SLC4A11: variants seen among roughly 807,000 people sequenced by gnomAD.
SLC4A11 encodes solute carrier family 4 member 11, also known as bicarbonate transporter related protein 1.
Under a neutral mutation model 95.0 loss-of-function variants are expected in SLC4A11, and 74 were observed. That is an observed-to-expected ratio of 0.78 (90% confidence interval 0.65 to 0.95). The LOEUF is 0.95. Ranked by LOEUF, SLC4A11 falls within the 40% of genes least tolerant of loss-of-function variation. SLC4A11 has a pLI of 0.00. For synonymous variants in SLC4A11, 548 were observed against 519.0 expected (o/e 1.06, Z -0.76); for missense variants, 1,081 against 1,192.4 (o/e 0.91, Z 1.38).
At chr20:3,232,047 C>T (rs760940228) in intron 7 of SLC4A11, among the ~76,000 whole-genome samples, 7 of 152,176 alleles carry the variant, frequency 4.6e-5, no homozygotes, top group Non-Finnish European at 8.8e-5. Context: ...CAACTACCAT[C>T]GATCTATATT....
Position 3,229,571 on chromosome 20 carries a change from C to T in SLC4A11, c.1695G>A (p.Met565Ile). Reference sequence around the variant, plus strand: ...TGTAGCCCAGCCAGAGCGTGCCCAGCATGATGAGGAGGCTGAGCACGGCGG... The same window carrying T: ...TGTAGCCCAGCCAGAGCGTGCCCAGTATGATGAGGAGGCTGAGCACGGCGG... ...QATAVLSLLIMLGTLWLGYTL... is the reference protein window; with the variant it reads ...QATAVLSLLIILGTLWLGYTL... The change falls in exon 14 of 20, where the codon ATG (methionine) becomes ATA (isoleucine). Residue 565 changes from methionine to isoleucine, a missense_variant. By Grantham distance (10) the Met-to-Ile change is conservative. This residue lies in a region of SLC4A11 where 767 missense variants were observed against 858.0 expected (regional missense o/e 0.89). Transcript: ENST00000642402. 1 of 1,612,916 alleles carries T rather than the reference C, an allele frequency of 6.2e-7. No homozygotes were observed. The highest frequency in any genetic ancestry group is 8.5e-7 in the Non-Finnish European group (1 of 1,179,936).
In SLC4A11 at chr20:3,231,272, C is replaced by T. The variant is rs373605332; in HGVS notation, c.949-30G>A. The T allele has an allele frequency of 1.2e-6, 2 of 1,613,256 alleles. No homozygotes were observed. Among genetic ancestry groups the T allele is most frequent in the Non-Finnish European group, 1.7e-6 (2 of 1,179,800 alleles). On this transcript the variant is annotated intron_variant, in intron 8 of 19. Coordinates refer to ENST00000642402, the MANE Select transcript of SLC4A11 (RefSeq NM_001174089.2). The surrounding 1 kb of genome is among the most constrained non-coding windows in gnomAD (Gnocchi z 5.2). ...AGGAGAGGACAGAGCGCCTGTTAGC[C>T]CTGTCCGGCCCATGCCCCCGCCGAC...
Position 3,234,813 on chromosome 20 carries a change from G to A in SLC4A11, c.170C>T (p.Ser57Phe), listed in dbSNP as rs372557411. 22 of 1,613,944 alleles carry A rather than the reference G, an allele frequency of 1.4e-5. No homozygotes were observed. Among genetic ancestry groups the A allele is most frequent in the East Asian group, 2.2e-5 (1 of 44,900 alleles). Reference protein sequence around the residue: ...LGDEAFDTANSSIVSGESIRF... With the variant: ...LGDEAFDTANFSIVSGESIRF... The stretch of plus-strand genomic sequence containing the variant: ...GATACTCTCGCCAGACACGATGGAG[G>A]AGTTGGCAGTGTCGAAGGCCTCATC... Residue 57 changes from serine to phenylalanine, a missense_variant, in exon 3 of 20, where the codon TCC becomes TTC. By Grantham distance (155) the Ser-to-Phe change is radical. Coordinates refer to ENST00000642402, the MANE Select transcript of SLC4A11 (RefSeq NM_001174089.2). The surrounding 1 kb of genome is among the most constrained non-coding windows in gnomAD (Gnocchi z 5.8).
At position 3,231,939 on chromosome 20, in the gene SLC4A11, C is replaced by T. The variant is rs933295409; in HGVS notation, c.730-391G>A. On this transcript the variant is annotated intron_variant, in intron 7 of 19. Transcript: ENST00000642402. This position sits in a 1 kb window ranked among gnomAD's most constrained non-coding sequence, Gnocchi z 5.2. ...TCCCAAAGTGCTGGGATTACAGGCACGAGCCACTGTGCCCAGATGCTGGTA... is the reference window on the plus strand; with the variant it reads ...TCCCAAAGTGCTGGGATTACAGGCATGAGCCACTGTGCCCAGATGCTGGTA... Among the ~76,000 whole-genome samples the T allele has an allele frequency of 1.3e-5, 2 of 152,052 alleles. No individual in the cohort carries two copies. Among genetic ancestry groups the T allele is most frequent in the African/African-American group, 4.8e-5 (2 of 41,452 alleles).
rs1197439463 is a variant in SLC4A11 at position 3,233,913 on chromosome 20, C to A, written c.605+8G>T. 6.2e-7 allele frequency: 1 copy of A among 1,612,458 alleles called. No homozygotes were observed. The highest frequency in any genetic ancestry group is 8.5e-7 in the Non-Finnish European group (1 of 1,179,992). ...CAAGAAGGGGGGCCAAGTGGCCTGGCAACTCACATGATGCAGAGCCACGAC... is the reference window on the plus strand; with the variant it reads ...CAAGAAGGGGGGCCAAGTGGCCTGGAAACTCACATGATGCAGAGCCACGAC... On this transcript the variant is annotated splice_region_variant and intron_variant, in intron 6 of 19. Coordinates refer to ENST00000642402, the MANE Select transcript of SLC4A11 (RefSeq NM_001174089.2).
chr20:3,230,678 C>T, intron 11 of SLC4A11, 31 bp from the exon 12 acceptor site: 1 of 1,613,030 alleles, frequency 6.2e-7, no homozygotes, highest in South Asian at 1.1e-5. Flanking sequence ...GGGTCAGGGC[C>T]CGGCAGGAAC....
chr20:3,238,705 GA>G, intron 1 of SLC4A11: 1 of 1,017,590 alleles, frequency 9.8e-7, no homozygotes, highest in Non-Finnish European at 1.2e-6. Flanking sequence ...TGCCCGGGCG[GA>G]AGGTAAAATG....
At chr20:3,230,435 C>G in intron 12 of SLC4A11, 80 bp downstream of exon 12, 1 of 1,607,984 alleles carries the variant, frequency 6.2e-7, no homozygotes, top group South Asian at 1.1e-5. Flanking sequence ...TGGGGGCACC[C>G]CCACCACCCT....
intron 7 of SLC4A11, 115 bp downstream of exon 7, chr20:3,233,399 G>A (rs2067846403): frequency 6.7e-7 from 1 of 1,497,248 alleles, no homozygotes; most frequent in African/African-American, 1.4e-5. Flanking sequence ...CCGAGGCGAA[G>A]GGGAGGGTGA....
Position 3,227,828 on chromosome 20 carries a change from C to A in SLC4A11, c.2587G>T (p.Ala863Ser), listed in dbSNP as rs1022746367. The change falls in exon 20 of 20, where the codon GCC (alanine) becomes TCC (serine). Residue 863 changes from alanine (A) to serine (S), a missense_variant. Coordinates refer to ENST00000642402, the MANE Select transcript of SLC4A11 (RefSeq NM_001174089.2). ...RYILLPRIIEAKYLDVMDAEH... is the reference protein window; with the variant it reads ...RYILLPRIIESKYLDVMDAEH... Reference sequence around the variant, plus strand: ...GCGTCCATGACATCCAAGTACTTGGCTTCAATGATTCGGGGCAGCAGGATA... The same window carrying A: ...GCGTCCATGACATCCAAGTACTTGGATTCAATGATTCGGGGCAGCAGGATA... 1 of 1,613,078 alleles carries A rather than the reference C, an allele frequency of 6.2e-7. No individual in the cohort carries two copies. Among genetic ancestry groups the A allele is most frequent in the Non-Finnish European group, 8.5e-7 (1 of 1,179,894 alleles).
intron 10 of SLC4A11, 30 bp downstream of exon 10, chr20:3,230,903 C>T (rs2067743133): frequency 6.2e-7 from 1 of 1,613,344 alleles, no homozygotes; most frequent in Non-Finnish European, 8.5e-7. Context: ...CCAGCATACC[C>T]CCACCCACCG....
At position 3,229,076 on chromosome 20, in the gene SLC4A11, C is replaced by T. The variant is rs1197888613; in HGVS notation, c.2018+19G>A. The stretch of plus-strand genomic sequence containing the variant: ...GAGGCCCGGGCCCCGCCCACCCCAC[C>T]CTCACCCACCCTCCACACCTGTTCT... On this transcript the variant is annotated intron_variant, in intron 16 of 19. Coordinates refer to ENST00000642402, the MANE Select transcript of SLC4A11 (RefSeq NM_001174089.2). The T allele has an allele frequency of 1.3e-6, 2 of 1,563,510 alleles. No homozygotes were observed. The highest frequency in any genetic ancestry group is 8.6e-7 in the Non-Finnish European group (1 of 1,157,502).
intron 12 of SLC4A11, 124 bp downstream of exon 12, chr20:3,230,391 G>T: frequency 6.3e-7 from 1 of 1,581,684 alleles, no homozygotes; most frequent in Admixed American, 1.7e-5. Context: ...GGCCTTGCCT[G>T]AGCCCACCCC....
rs777925942 is a variant in SLC4A11, at chr20:3,229,092, C to T, written c.2018+3G>A. On this transcript the variant is annotated splice_donor_region_variant and intron_variant, in intron 16 of 19. Transcript: ENST00000642402. The stretch of plus-strand genomic sequence containing the variant: ...CCACCCCACCCTCACCCACCCTCCA[C>T]ACCTGTTCTCCGGTGCATTCACCAA... The T allele has an allele frequency of 2.5e-6, 4 of 1,598,532 alleles. No homozygotes were observed. The highest frequency in any genetic ancestry group is 8.5e-7 in the Non-Finnish European group (1 of 1,174,644).
At chr20:3,237,410 A>G (rs2068015466) in intron 2 of SLC4A11, 134 bp downstream of exon 2, 1 of 951,338 alleles carries the variant, frequency 1.1e-6, no homozygotes, top group South Asian at 1.3e-5. Context: ...AGTGGAAGCC[A>G]AAAGCATTCC....
chr20:3,238,816 C>T, intron 1 of SLC4A11: 2 of 1,174,382 alleles, frequency 1.7e-6, no homozygotes, highest in Non-Finnish European at 2.1e-6. Context: ...AGCTCCCCGC[C>T]CTCGACCCGC....
At chr20:3,239,215 C>T, upstream of SLC4A11, 1 of 1,323,082 alleles carries the variant, frequency 7.6e-7, no homozygotes, top group Non-Finnish European at 9.6e-7. Context: ...GCGACTCGGG[C>T]GGGCCGGCGG....
upstream of SLC4A11, chr20:3,239,504 G>A (rs2068088131): frequency 1.0e-6 from 1 of 1,000,250 alleles, no homozygotes; most frequent in African/African-American, 1.7e-5. Context: ...GGAGCTTCTG[G>A]GAAAACGTTC....
Position 3,234,072 on chromosome 20 carries a change from A to T in SLC4A11, c.523+11T>A, listed in dbSNP as rs1568541031. The stretch of plus-strand genomic sequence containing the variant: ...CCAACGCCCCCGCCCGGGCCGGGAG[A>T]CCGGCCTCACCTTTACCCCGCATGG... On this transcript the variant is annotated intron_variant, in intron 5 of 19. Transcript: ENST00000642402. This position sits in a 1 kb window ranked among gnomAD's most constrained non-coding sequence, Gnocchi z 5.8. 3 of 1,613,686 alleles carry T rather than the reference A, an allele frequency of 1.9e-6. No individual in the cohort carries two copies. The highest frequency in any genetic ancestry group is 4.5e-5 in the East Asian group (2 of 44,862).
Sources: gnomAD v4.1 joint callset for allele counts (sites outside exome capture counted in the v4.1 genomes callset) on GRCh38, gnomAD v4.1.1 for gene constraint, gnomAD v4.1.1 regional missense constraint, Gnocchi (gnomAD v3.1) non-coding constraint, MANE v1.5 for transcripts, NCBI Gene and HGNC (gene_info 2026-07-23, HGNC 2026-07-21) for gene names.